ATP13A4: variants seen among roughly 807,000 people sequenced by gnomAD.
ATP13A4 encodes the protein probable cation-transporting ATPase 13A4.
A neutral mutation model predicts 142.5 loss-of-function variants in ATP13A4; 114 were observed. The observed-to-expected ratio is 0.80, with a 90% CI of 0.69 to 0.93. The LOEUF (loss-of-function observed/expected upper bound fraction) is 0.93, where lower values mean the gene tolerates loss of function less well. ATP13A4 is among the 40% of genes least tolerant of loss of function. The pLI is 0.00. For synonymous variants in ATP13A4, 488 were observed against 514.8 expected (o/e 0.95, Z 0.70); for missense variants, 1,392 against 1,454.0 (o/e 0.96, Z 0.69).
At chr3:193,485,062 T>C (rs1448177001) in intron 7 of ATP13A4, among the ~76,000 whole-genome samples, 1 of 152,022 alleles carries the variant, frequency 6.6e-6, no homozygotes, top group Admixed American at 6.6e-5. Flanking sequence ...CGAAATGTTC[T>C]GAGGTTCGAA....
At chr3:193,420,792 T>C (rs888729583) in intron 25 of ATP13A4, among the ~76,000 whole-genome samples, 5 of 149,222 alleles carry the variant, frequency 3.4e-5, no homozygotes, top group Non-Finnish European at 3.0e-5. Context: ...AGAGTTTTAA[T>C]AGCAGACTAG....
intron 3 of ATP13A4, among the ~76,000 whole-genome samples, chr3:193,497,407 CA>C (rs982261087): frequency 6.6e-6 from 1 of 151,752 alleles, no homozygotes; most frequent in Admixed American, 6.6e-5. Flanking sequence ...TATCAAAAGA[CA>C]AAAAAATGAC....
At chr3:193,565,531 C>T (rs1166657387) in intron 2 of ATP13A4, among the ~76,000 whole-genome samples, 1 of 152,148 alleles carries the variant, frequency 6.6e-6, no homozygotes, top group African/African-American at 2.4e-5. Context: ...CTCTGGCAAC[C>T]TCACTGTCTA....
chr3:193,543,624 T>C (rs1264388925), intron 1 of ATP13A4, among the ~76,000 whole-genome samples: 5 of 152,278 alleles, frequency 3.3e-5, no homozygotes, highest in Non-Finnish European at 5.9e-5. Context: ...TCTTGAGGAT[T>C]TTTGCTTCTG....
At chr3:193,499,149 T>G (rs888810027) in intron 3 of ATP13A4, among the ~76,000 whole-genome samples, 2 of 152,192 alleles carry the variant, frequency 1.3e-5, no homozygotes, top group African/African-American at 4.8e-5. Context: ...TTTTTTTATT[T>G]TACAGAATGG....
At chr3:193,478,206 T>C (rs1041589550) in intron 8 of ATP13A4, among the ~76,000 whole-genome samples, 19 of 151,504 alleles carry the variant, frequency 1.3e-4, no homozygotes, top group Non-Finnish European at 5.9e-5. Context: ...AGGTTACACC[T>C]CAAGGAACTA....
chr3:193,541,142 G>C (rs1247715395), intron 1 of ATP13A4, among the ~76,000 whole-genome samples: 3 of 150,902 alleles, frequency 2.0e-5, no homozygotes, highest in East Asian at 2.0e-4. Context: ...CCAGCTACTC[G>C]GGAGGCTGAG....
At chr3:193,509,663 A>C (rs947147556) in intron 2 of ATP13A4, among the ~76,000 whole-genome samples, 25 of 152,386 alleles carry the variant, frequency 1.6e-4, no homozygotes, top group Non-Finnish European at 2.6e-4. Context: ...TACAGCGGTC[A>C]CAAATGAAAA....
rs1264483584 is a variant in ATP13A4 at position 193,582,672 on chromosome 3, T to A, written n.92-766A>T. 8.1e-4 allele frequency among the ~76,000 whole-genome samples: 58 copies of A among 71,186 alleles called. 11 individuals carry two copies. The highest frequency in any genetic ancestry group is 1.1e-3 in the Non-Finnish European group (44 of 40,820). 46.7% of individuals were successfully genotyped at this position (71,186 alleles called of 152,430 possible). On this transcript the variant is annotated intron_variant and non_coding_transcript_variant, in intron 1 of 3. Transcript: ENST00000489140. ...TATTACATACATTATATATGTATAT[T>A]ACATATATATTATATATGTGTATAA...
chr3:193,506,458 A>C (rs1387960540), intron 2 of ATP13A4, among the ~76,000 whole-genome samples: 1 of 152,194 alleles, frequency 6.6e-6, no homozygotes, highest in Non-Finnish European at 1.5e-5. Context: ...TATACAAAGG[A>C]CCAGTGTTTG....
chr3:193,528,282 G>T (rs1722122762), intron 1 of ATP13A4, among the ~76,000 whole-genome samples: 3 of 152,294 alleles, frequency 2.0e-5, no homozygotes, highest in African/African-American at 4.8e-5. Flanking sequence ...GATCAACTGA[G>T]CATCAGAATT....
At chr3:193,526,412 C>T (rs185810524) in intron 1 of ATP13A4, among the ~76,000 whole-genome samples, 29 of 152,210 alleles carry the variant, frequency 1.9e-4, no homozygotes, top group Non-Finnish European at 3.8e-4. Context: ...AACACATGCA[C>T]ACAGGGAGGG....
chr3:193,487,065 A>G (rs1223100742), intron 7 of ATP13A4, among the ~76,000 whole-genome samples: 10 of 152,118 alleles, frequency 6.6e-5, no homozygotes, highest in Admixed American at 6.6e-4. Context: ...TGGAACACTC[A>G]TTTTTTAAAA....
At chr3:193,478,660 T>C (rs4687437) in intron 8 of ATP13A4, among the ~76,000 whole-genome samples, 73,827 of 151,310 alleles carry the variant, frequency 0.49, 18,234 homozygotes, top group African/African-American at 0.58. Context: ...CAGGACCAGA[T>C]GGATTCACAG....
chr3:193,474,633 GAGAA>G (rs781524688), intron 8 of ATP13A4, among the ~76,000 whole-genome samples: 18 of 129,436 alleles, frequency 1.4e-4, no homozygotes, highest in African/African-American at 4.1e-4. Flanking sequence ...AGAGAGAGAC[GAGAA>G]AGAAAGAAAG....
chr3:193,497,057 A>G (rs938884217), intron 3 of ATP13A4, among the ~76,000 whole-genome samples: 1 of 152,168 alleles, frequency 6.6e-6, no homozygotes, highest in African/African-American at 2.4e-5. Context: ...CCCCAAAACA[A>G]AAATAGGCAA....
At chr3:193,473,413 A>G (rs1361774419) in intron 8 of ATP13A4, among the ~76,000 whole-genome samples, 1 of 152,224 alleles carries the variant, frequency 6.6e-6, no homozygotes, top group Non-Finnish European at 1.5e-5. Context: ...AGAAGGAGAG[A>G]TAACATTAGA....
chr3:193,547,700 A>T (rs959560291), intron 1 of ATP13A4, among the ~76,000 whole-genome samples: 2 of 152,166 alleles, frequency 1.3e-5, no homozygotes, highest in African/African-American at 4.8e-5. Context: ...CTGGGTTCCT[A>T]ACTTGCAGGG....
intron 12 of ATP13A4, among the ~76,000 whole-genome samples, chr3:193,463,521 C>A (rs1320112501): frequency 6.6e-6 from 1 of 151,114 alleles, no homozygotes; most frequent in Non-Finnish European, 1.5e-5. Context: ...GTTGTGTGAC[C>A]AGAGCAAATT....
Sources: gnomAD v4.1 joint callset for allele counts (sites outside exome capture counted in the v4.1 genomes callset) on GRCh38, gnomAD v4.1.1 for gene constraint, MANE v1.5 for transcripts, NCBI Gene and HGNC (gene_info 2026-07-23, HGNC 2026-07-21) for gene names.